The following CACNA1E variants were observed in gnomAD, a reference collection of about 807,000 sequenced individuals.
The protein encoded by CACNA1E is calcium voltage-gated channel subunit alpha1 E, also known as voltage-dependent R-type calcium channel subunit alpha-1E.
Under a neutral mutation model 259.2 loss-of-function variants are expected in CACNA1E, and 40 were observed. That is an observed-to-expected ratio of 0.15 (90% CI 0.12 to 0.20). The LOEUF is 0.20. Among genes scored for constraint, CACNA1E ranks in the 10% least tolerant of loss-of-function variants. The pLI is 1.00. For missense variants in CACNA1E, 1,874 were observed against 3,040.1 expected (o/e 0.62, Z 9.02); for synonymous variants, 1,104 against 1,138.5 (o/e 0.97, Z 0.61).
At chr1:181,754,080 G>A (rs746835785) in intron 27 of CACNA1E, among the ~76,000 whole-genome samples, 10 of 152,178 alleles carry the variant, frequency 6.6e-5, no homozygotes, top group Non-Finnish European at 1.2e-4. Context: ...CACACAGAGC[G>A]TGGCCAGGCT....
chr1:181,800,991 T>C lies in CACNA1E; in HGVS notation c.*2157T>C, dbSNP rs1460579072. ...GTGTGCTTGAGGGTGGCTGGGAATG[T>C]GATATACAGCACCCTGATCCTAACA... On this transcript the variant is annotated 3_prime_UTR_variant, in exon 48 of 48. Coordinates refer to ENST00000367573, the MANE Select transcript of CACNA1E (RefSeq NM_001205293.3). 1 of 152,690 alleles carries C rather than the reference T, an allele frequency of 6.5e-6. No individual in the cohort carries two copies. Among genetic ancestry groups the C allele is most frequent in the Non-Finnish European group, 1.5e-5 (1 of 68,050 alleles). The allele number at this position is 152,690 out of a possible 1,614,324, so 9.5% of individuals were successfully genotyped here.
chr1:181,447,228 T>C (rs562493558), intron 2 of CACNA1E, among the ~76,000 whole-genome samples: 4 of 152,264 alleles, frequency 2.6e-5, no homozygotes, highest in Admixed American at 1.3e-4. Context: ...TAGAACTGTA[T>C]TTAAAAGTTA....
chr1:181,322,965 A>T (rs12759753), intron 1 of CACNA1E, among the ~76,000 whole-genome samples: 2,660 of 152,312 alleles, frequency 0.017, 25 homozygotes, highest in Middle Eastern at 0.031. Flanking sequence ...ATGGCACGGG[A>T]GTGCATCCGT....
intron 1 of CACNA1E, among the ~76,000 whole-genome samples, chr1:181,496,789 G>C (rs1036131044): frequency 2.0e-5 from 3 of 152,194 alleles, no homozygotes; most frequent in African/African-American, 7.2e-5. Flanking sequence ...AGAAATTAAG[G>C]AGTGGGCCTA....
intron 1 of CACNA1E, among the ~76,000 whole-genome samples, chr1:181,487,697 C>T (rs1392152329): frequency 6.6e-6 from 1 of 152,210 alleles, no homozygotes; most frequent in African/African-American, 2.4e-5. Flanking sequence ...TGCTTACCAG[C>T]TCTCACTGTT....
At chr1:181,495,983 T>G (rs1664710293) in intron 1 of CACNA1E, among the ~76,000 whole-genome samples, 1 of 152,176 alleles carries the variant, frequency 6.6e-6, no homozygotes, top group African/African-American at 2.4e-5. Context: ...AGGATTAAGG[T>G]GTGGAGAGGT....
At position 181,784,568 on chromosome 1, in the gene CACNA1E, T is replaced by A. The variant is rs972471119; in HGVS notation, c.5471-93T>A. On this transcript the variant is annotated intron_variant, in intron 40 of 47. Coordinates refer to ENST00000367573, the MANE Select transcript of CACNA1E (RefSeq NM_001205293.3). ...CAAGATTTCCTCTTAAAATATGAGG[T>A]GCCCTGCTGATTCAGCTCCTACCTT... 1.3e-5 allele frequency: 10 copies of A among 743,634 alleles called. No homozygotes were observed. The African/African-American group carries it at 1.8e-4, about 13-fold the overall frequency. The allele number at this position is 743,634 out of a possible 1,614,324, so 46.1% of individuals were successfully genotyped here. A position where few individuals can be genotyped will look rare whatever the true frequency, so the allele number is the denominator to read the frequency against.
intron 44 of CACNA1E, 60 bp downstream of exon 44, chr1:181,790,616 T>A: frequency 1.9e-6 from 2 of 1,033,452 alleles, no homozygotes; most frequent in Non-Finnish European, 3.1e-6. Flanking sequence ...TCCCTCTCAC[T>A]AATTTTATTA....
At chr1:181,772,951 C>T (rs1436535439) in intron 37 of CACNA1E, among the ~76,000 whole-genome samples, 1 of 152,150 alleles carries the variant, frequency 6.6e-6, no homozygotes, top group East Asian at 1.9e-4. Context: ...GAAACTTCTA[C>T]CCTGCATATC....
intron 1 of CACNA1E, among the ~76,000 whole-genome samples, chr1:181,385,029 G>A (rs1655738535): frequency 6.6e-6 from 1 of 152,000 alleles, no homozygotes; most frequent in Non-Finnish European, 1.5e-5. Flanking sequence ...TTGCCCTGAT[G>A]TCTCTGCTGA....
At chr1:181,357,806 G>T (rs1653567896) in intron 1 of CACNA1E, among the ~76,000 whole-genome samples, 2 of 152,112 alleles carry the variant, frequency 1.3e-5, no homozygotes, top group Admixed American at 6.5e-5. Context: ...AGGTACCCTT[G>T]GTGCCTACCC....
intron 2 of CACNA1E, among the ~76,000 whole-genome samples, chr1:181,433,680 G>T (rs2102262667): frequency 6.6e-6 from 1 of 152,200 alleles, no homozygotes. Flanking sequence ...ATGTAAATGT[G>T]TTTTAAATTT....
At chr1:181,632,067 C>G (rs1656798769) in intron 6 of CACNA1E, among the ~76,000 whole-genome samples, 1 of 151,722 alleles carries the variant, frequency 6.6e-6, no homozygotes, top group African/African-American at 2.4e-5. Context: ...GCCCCAAAGA[C>G]TTCAGACTGA....
chr1:181,477,658 C>T (rs1409593215), intron 2 of CACNA1E, among the ~76,000 whole-genome samples: 3 of 152,142 alleles, frequency 2.0e-5, no homozygotes, highest in Non-Finnish European at 4.4e-5. Context: ...CTCTGTCCAT[C>T]CCCCGCACAA....
intron 2 of CACNA1E, among the ~76,000 whole-genome samples, chr1:181,420,944 C>T (rs1347504968): frequency 6.6e-6 from 1 of 152,182 alleles, no homozygotes; most frequent in Non-Finnish European, 1.5e-5. Context: ...ATTGTGTCTC[C>T]TTTACTTAGT....
At chr1:181,399,194 C>T (rs1214110292) in intron 1 of CACNA1E, among the ~76,000 whole-genome samples, 1 of 148,456 alleles carries the variant, frequency 6.7e-6, no homozygotes, top group Non-Finnish European at 1.5e-5. Context: ...ATTAGCTTTT[C>T]ACAGGGAAGA....
chr1:181,733,217 G>A (rs1028093701), intron 20 of CACNA1E, among the ~76,000 whole-genome samples, 183 bp downstream of exon 20: 1 of 152,234 alleles, frequency 6.6e-6, no homozygotes, highest in Non-Finnish European at 1.5e-5. Flanking sequence ...AAAAACGAGG[G>A]CCTGTTGGAA....
In CACNA1E at chr1:181,798,942, G is replaced by C; in HGVS notation, c.*108G>C. On this transcript the variant is annotated 3_prime_UTR_variant, in exon 48 of 48. Coordinates refer to ENST00000367573, the MANE Select transcript of CACNA1E (RefSeq NM_001205293.3). This position sits in a 1 kb window ranked among gnomAD's most constrained non-coding sequence, Gnocchi z 4.2. ...GGGAGGAAGAGGGAAAAGGAAGATG[G>C]AAGGACACCATGCATTATCAGAGAA... 1 of 967,174 alleles carries C rather than the reference G, an allele frequency of 1.0e-6. No homozygotes were observed. The highest frequency in any genetic ancestry group is 1.5e-6 in the Non-Finnish European group (1 of 685,310). The allele number at this position is 967,174 out of a possible 1,614,324, so 59.9% of individuals were successfully genotyped here.
chr1:181,466,853 A>G (rs191449315), intron 2 of CACNA1E, among the ~76,000 whole-genome samples: 35 of 152,206 alleles, frequency 2.3e-4, no homozygotes, highest in African/African-American at 8.4e-4. Flanking sequence ...TGAATCCTTG[A>G]ATGACTTTTA....
Sources: allele counts gnomAD v4.1 joint callset (sites outside exome capture counted in the v4.1 genomes callset), GRCh38; gene constraint gnomAD v4.1.1; non-coding constraint Gnocchi (gnomAD v3.1); transcripts MANE v1.5; gene names NCBI Gene and HGNC (gene_info 2026-07-23, HGNC 2026-07-21).